Variants in SYTL2 observed in about 807,000 individuals in gnomAD.
The protein encoded by SYTL2 is synaptotagmin like 2, also known as synaptotagmin-like protein 2.
A neutral mutation model predicts 198.7 loss-of-function variants in SYTL2; 165 were observed. The ratio of observed to expected loss-of-function variants is 0.83; its 90% CI spans 0.73 to 0.94. The LOEUF is 0.94. Among genes scored for constraint, SYTL2 ranks in the 40% least tolerant of loss-of-function variants. The probability of loss-of-function intolerance (pLI) is 0.00; values close to 1 mark genes in which losing one functional copy is unlikely to be tolerated. For synonymous variants in SYTL2, 966 were observed against 917.7 expected, an observed-to-expected ratio of 1.05 and a Z score of -0.95; for missense variants, 2,835 against 2,582.8, an observed-to-expected ratio of 1.10 and a Z score of -2.12.
intron 7 of SYTL2, among the ~76,000 whole-genome samples, chr11:85,731,060 C>T (rs1275421099): frequency 6.6e-6 from 1 of 152,112 alleles, no homozygotes; most frequent in Non-Finnish European, 1.5e-5. Flanking sequence ...AGGAGAACTA[C>T]AAACCACTGC....
intron 16 of SYTL2, among the ~76,000 whole-genome samples, chr11:85,701,659 C>T (rs770462954): frequency 2.6e-5 from 4 of 152,172 alleles, no homozygotes; most frequent in Non-Finnish European, 5.9e-5. Flanking sequence ...TTTGATATAA[C>T]ATTTGAGAAC....
chr11:85,834,460 G>A, the SYTL2 span, among the ~76,000 whole-genome samples: 3 of 151,912 alleles, frequency 2.0e-5, no homozygotes, highest in African/African-American at 7.3e-5. Flanking sequence ...TATTTTTAAA[G>A]CCCTTATCTT....
chr11:85,752,449 C>T (rs1160099607), intron 2 of SYTL2, among the ~76,000 whole-genome samples: 1 of 152,200 alleles, frequency 6.6e-6, no homozygotes, highest in Non-Finnish European at 1.5e-5. Context: ...CTTTCTACTA[C>T]CCGATCCTGC....
chr11:85,734,931 T>G (rs1360139503), intron 6 of SYTL2, among the ~76,000 whole-genome samples, 189 bp from the exon 7 acceptor site: 1 of 152,230 alleles, frequency 6.6e-6, no homozygotes, highest in Non-Finnish European at 1.5e-5. Flanking sequence ...AGAGGACTTT[T>G]AGGGCACTGG....
chr11:85,753,802 C>T (rs2091697267), intron 2 of SYTL2, among the ~76,000 whole-genome samples: 1 of 145,406 alleles, frequency 6.9e-6, no homozygotes, highest in Non-Finnish European at 1.5e-5. Flanking sequence ...TGGGAAGTGA[C>T]ATATAAACTA....
intron 8 of SYTL2, among the ~76,000 whole-genome samples, chr11:85,721,414 C>G (rs2088290324): frequency 6.6e-6 from 1 of 151,392 alleles, no homozygotes; most frequent in South Asian, 2.1e-4. Flanking sequence ...AGTGCATTCT[C>G]CAGATCAAAG....
At chr11:85,773,579 T>A (rs1442200530) in intron 1 of SYTL2, among the ~76,000 whole-genome samples, 1 of 152,108 alleles carries the variant, frequency 6.6e-6, no homozygotes, top group African/African-American at 2.4e-5. Context: ...GTCTCCTTTA[T>A]CAGCCTGAGC....
chr11:85,763,004 T>G (rs527617318), intron 1 of SYTL2, among the ~76,000 whole-genome samples: 1 of 152,222 alleles, frequency 6.6e-6, no homozygotes, highest in South Asian at 2.1e-4. Flanking sequence ...TATTTCCCCC[T>G]GAACATGAAC....
chr11:85,780,046 C>G (rs959344788), intron 1 of SYTL2, among the ~76,000 whole-genome samples: 1 of 152,168 alleles, frequency 6.6e-6, no homozygotes. Context: ...CTCCTTCTGA[C>G]GATAAAATGC....
At chr11:85,843,220 A>G in the SYTL2 span, among the ~76,000 whole-genome samples, 1 of 151,840 alleles carries the variant, frequency 6.6e-6, no homozygotes, top group Non-Finnish European at 1.5e-5. Context: ...ATAAAAACAC[A>G]AATTGGGTGT....
At chr11:85,779,249 GA>G (rs1226293344) in intron 1 of SYTL2, among the ~76,000 whole-genome samples, 1 of 152,090 alleles carries the variant, frequency 6.6e-6, no homozygotes, top group African/African-American at 2.4e-5. Context: ...TGCCATAGAA[GA>G]GTGTTCTAAC....
chr11:85,800,052 C>T (rs1184768396), intron 1 of SYTL2, among the ~76,000 whole-genome samples: 2 of 152,172 alleles, frequency 1.3e-5, no homozygotes, highest in African/African-American at 2.4e-5. Flanking sequence ...TAAGCTCACA[C>T]CCTTGGTCAC....
chr11:85,723,178 C>T (rs1246323556), intron 8 of SYTL2, among the ~76,000 whole-genome samples: 1 of 152,072 alleles, frequency 6.6e-6, no homozygotes, highest in African/African-American at 2.4e-5. Context: ...TGAGACAAGC[C>T]CTACATTTTA....
chr11:85,717,692 T>G (rs1203176955), intron 10 of SYTL2, 162 bp from the exon 11 acceptor site: 4 of 676,030 alleles, frequency 5.9e-6, no homozygotes. Context: ...CTCTTCTTCA[T>G]TAGCCTCTTT....
intron 2 of SYTL2, among the ~76,000 whole-genome samples, chr11:85,752,702 AGGCTTCAATCCTGCG>A: frequency 6.6e-6 from 1 of 152,170 alleles, no homozygotes; most frequent in African/African-American, 2.4e-5. Flanking sequence ...TGGATCAACA[AGGCTTCAATCCTGCG>A]GGGCACTTAC....
chr11:85,784,853 G>A (rs773681610), intron 1 of SYTL2, among the ~76,000 whole-genome samples: 1 of 151,924 alleles, frequency 6.6e-6, no homozygotes, highest in African/African-American at 2.4e-5. Flanking sequence ...AGCTGGTAAG[G>A]GGTAAAGAAA....
chr11:85,714,782 T>G, intron 11 of SYTL2: 1 of 772,994 alleles, frequency 1.3e-6, no homozygotes, highest in Non-Finnish European at 1.7e-6. Flanking sequence ...TGCACTTGAA[T>G]CAAATTATAC....
intron 10 of SYTL2, 22 bp from the exon 11 acceptor site, chr11:85,717,552 A>C: frequency 6.3e-7 from 1 of 1,599,460 alleles, no homozygotes; most frequent in South Asian, 1.1e-5. Context: ...GGCAACATTG[A>C]GAATAAATAC....
intron 7 of SYTL2, 84 bp from the exon 8 acceptor site, chr11:85,728,051 G>A (rs1300417221): frequency 3.2e-6 from 4 of 1,268,588 alleles, no homozygotes; most frequent in Middle Eastern, 2.3e-4. Flanking sequence ...CTTTATAAAA[G>A]CACTTTGTAT....
Sources: gnomAD v4.1 joint callset for allele counts (sites outside exome capture counted in the v4.1 genomes callset) on GRCh38, gnomAD v4.1.1 for gene constraint, MANE v1.5 for transcripts, NCBI Gene and HGNC (gene_info 2026-07-23, HGNC 2026-07-21) for gene names.